KCNH6: variants seen among roughly 807,000 people sequenced by gnomAD.
The protein encoded by KCNH6 is potassium voltage-gated channel subfamily H member 6, also known as voltage-gated inwardly rectifying potassium channel KCNH6.
Under a neutral mutation model 83.4 loss-of-function variants are expected in KCNH6, and 81 were observed. The observed-to-expected ratio is 0.97, with a 90% CI of 0.81 to 1.17. KCNH6 has a LOEUF of 1.17. Ranked by LOEUF, KCNH6 falls within the 50% of genes most tolerant of loss-of-function variation. The probability of loss-of-function intolerance (pLI) is 0.00; values close to 1 mark genes in which losing one functional copy is unlikely to be tolerated. For missense variants in KCNH6, 1,203 were observed against 1,290.5 expected, an observed-to-expected ratio of 0.93 and a Z score of 1.04; for synonymous variants, 503 against 545.6, an observed-to-expected ratio of 0.92 and a Z score of 1.09.
intron 8 of KCNH6, among the ~76,000 whole-genome samples, chr17:63,541,573 G>A (rs773267679): frequency 8.7e-5 from 13 of 150,002 alleles, no homozygotes; most frequent in Middle Eastern, 3.4e-3. Context: ...GATTACAGGC[G>A]TGAGCCGCTG....
chr17:63,545,186 C>A lies in KCNH6; in HGVS notation c.2505C>A (p.Asp835Glu), dbSNP rs766749546. 1 of 1,613,868 alleles carries A rather than the reference C, an allele frequency of 6.2e-7. No individual in the cohort carries two copies. The highest frequency in any genetic ancestry group is 1.7e-5 in the Admixed American group (1 of 60,030). Residue 835 changes from aspartate (D) to glutamate (E), a missense_variant, in exon 12 of 13, where the codon GAC becomes GAA. Transcript: ENST00000314672. ...SYILEAPASN[D>E]LALVPIASET... ...TTCTGGAAGCCCCTGCCTCCAATGA[C>A]CTGGCCTTGGTTCCTATAGCCTCGG... is the stretch of plus-strand genomic sequence containing the variant.
rs377545632 is a variant in KCNH6, at chr17:63,533,933, G to A, written c.723G>A (p.Ala241=). Residue 241 remains alanine (A), a synonymous_variant, in exon 5 of 13, where the codon GCG becomes GCA. Coordinates refer to ENST00000314672, the MANE Select transcript of KCNH6 (RefSeq NM_001278919.2). The surrounding 1 kb of genome is among the most constrained non-coding windows in gnomAD (Gnocchi z 4.1). ...ADVLPEYKLQ[A]PRIHRWTILH... is the part of the protein sequence containing the mutation. ...TGCTGCCGGAGTACAAGCTGCAGGCGCCGCGCATCCACCGCTGGACCATCC... is the reference window on the plus strand; with the variant it reads ...TGCTGCCGGAGTACAAGCTGCAGGCACCGCGCATCCACCGCTGGACCATCC... The A allele has an allele frequency of 8.7e-6, 14 of 1,613,940 alleles. No individual in the cohort carries two copies. The highest frequency in any genetic ancestry group is 2.2e-5 in the East Asian group (1 of 44,852).
intron 10 of KCNH6, 152 bp downstream of exon 10, chr17:63,543,812 C>T: frequency 4.6e-6 from 3 of 646,106 alleles, no homozygotes; most frequent in Non-Finnish European, 8.4e-6. Flanking sequence ...GAGCCTTGGC[C>T]CTCCTTCCTC....
At position 63,534,364 on chromosome 17, in the gene KCNH6, C is replaced by T. The variant is rs2032344722; in HGVS notation, c.1101+53C>T. On this transcript the variant is annotated intron_variant, in intron 5 of 12. Transcript: ENST00000314672. This position sits in a 1 kb window ranked among gnomAD's most constrained non-coding sequence, Gnocchi z 5.0. ...CCATGGCTGTCCTCTGCACGCTGGC[C>T]TCAAGCCCTCCCTGCTGCACAGCAC... is the stretch of plus-strand genomic sequence containing the variant. 2.0e-6 allele frequency: 3 copies of T among 1,519,852 alleles called. No homozygotes were observed. The highest frequency in any genetic ancestry group is 2.7e-6 in the Non-Finnish European group (3 of 1,117,880). The allele number at this position is 1,519,852 out of a possible 1,614,324, so 94.1% of individuals were successfully genotyped here.
At position 63,535,914 on chromosome 17, in the gene KCNH6, C is replaced by T. The variant is rs371775964; in HGVS notation, c.1347C>T (p.Asn449=). 99 of 1,614,062 alleles carry T rather than the reference C, an allele frequency of 6.1e-5. No individual in the cohort carries two copies. Among genetic ancestry groups the T allele is most frequent in the East Asian group, 5.3e-4 (24 of 44,890 alleles). ...GTGTGCAGCTTGGCAAGCGCTACAA[C>T]GGCAGCGACCCAGCCTCGGGCCCCT... ...SLGVQLGKRY[N]GSDPASGPSV... is the part of the protein sequence containing the mutation. Residue 449 remains asparagine, a synonymous_variant, in exon 6 of 13, where the codon AAC becomes AAT. Coordinates refer to ENST00000314672, the MANE Select transcript of KCNH6 (RefSeq NM_001278919.2). The surrounding 1 kb of genome is among the most constrained non-coding windows in gnomAD (Gnocchi z 4.9).
rs1011365547 is a variant in KCNH6, at chr17:63,535,009, C to T, written c.1102-660C>T. 2.0e-5 allele frequency among the ~76,000 whole-genome samples: 3 copies of T among 152,166 alleles called. No individual in the cohort carries two copies. The highest frequency in any genetic ancestry group is 2.9e-5 in the Non-Finnish European group (2 of 68,030). ...ACTTGTGTCCCATCACCAAACTTGCCAGTCTCCCGCCCCTCCACACAGCTG... is the reference window on the plus strand; with the variant it reads ...ACTTGTGTCCCATCACCAAACTTGCTAGTCTCCCGCCCCTCCACACAGCTG... On this transcript the variant is annotated intron_variant, in intron 5 of 12. Coordinates refer to ENST00000314672, the MANE Select transcript of KCNH6 (RefSeq NM_001278919.2). This position sits in a 1 kb window ranked among gnomAD's most constrained non-coding sequence, Gnocchi z 4.9.
chr17:63,543,100 G>A (rs2032954959), intron 9 of KCNH6, among the ~76,000 whole-genome samples: 1 of 152,260 alleles, frequency 6.6e-6, no homozygotes, highest in African/African-American at 2.4e-5. Context: ...GGGAAGAAGG[G>A]AGTGTGCATC....
chr17:63,543,946 A>AG, intron 10 of KCNH6: 1 of 883,934 alleles, frequency 1.1e-6, no homozygotes, highest in Non-Finnish European at 1.7e-6. Flanking sequence ...CCAAGGCATC[A>AG]GGGGGGCCAC....
Position 63,534,010 on chromosome 17 carries a change from T to C in KCNH6, c.800T>C (p.Val267Ala). Residue 267 changes from valine (V) to alanine (A), a missense_variant, in exon 5 of 13, where the codon GTC (valine) becomes GCC (alanine). Physicochemically the swap from Val to Ala is moderately conservative, Grantham distance 64 (BLOSUM62 0). Coordinates refer to ENST00000314672, the MANE Select transcript of KCNH6 (RefSeq NM_001278919.2). This position sits in a 1 kb window ranked among gnomAD's most constrained non-coding sequence, Gnocchi z 5.0. ...TGGGACTGGCTCATCCTGCTGCTGG[T>C]CATCTACACGGCTGTCTTCACGCCC... ...AVWDWLILLL[V>A]IYTAVFTPYS... The C allele has an allele frequency of 6.2e-7, 1 of 1,613,930 alleles. No homozygotes were observed. The highest frequency in any genetic ancestry group is 1.1e-5 in the South Asian group (1 of 91,072).
intron 12 of KCNH6, 124 bp from the exon 13 acceptor site, chr17:63,545,484 AG>A: frequency 9.3e-7 from 1 of 1,077,732 alleles, no homozygotes; most frequent in South Asian, 1.6e-5. Flanking sequence ...AGCTGGGGCC[AG>A]GGCAGCAGGA....
At position 63,542,201 on chromosome 17, in the gene KCNH6, A is replaced by T. The variant is rs565866621; in HGVS notation, c.1955-40A>T. 2.1e-5 allele frequency: 33 copies of T among 1,601,974 alleles called. No individual in the cohort carries two copies. The South Asian group carries it at 3.7e-4, about 18-fold the overall frequency. ...AAAGGACCCTCATAAGGGAGCATGG[A>T]GTCAGACCCTGAAGAGACTCCCACC... On this transcript the variant is annotated intron_variant, in intron 8 of 12. Transcript: ENST00000314672.
rs769203970 is a variant in KCNH6, at chr17:63,543,972, T to A, written c.2234-277T>A. Reference sequence around the variant, plus strand: ...GGGGGGCCACTGGGCTGCAGCTCCCTGGGCAGTGAAACCAGTGCTAAAAGT... The same window carrying A: ...GGGGGGCCACTGGGCTGCAGCTCCCAGGGCAGTGAAACCAGTGCTAAAAGT... On this transcript the variant is annotated intron_variant, in intron 10 of 12. Coordinates refer to ENST00000314672, the MANE Select transcript of KCNH6 (RefSeq NM_001278919.2). 1.2e-5 allele frequency: 14 copies of A among 1,170,014 alleles called. No individual in the cohort carries two copies. The Admixed American group carries it at 3.6e-4, about 30-fold the overall frequency. 72.5% of individuals were successfully genotyped at this position (1,170,014 alleles called of 1,614,324 possible).
chr17:63,535,855 CTAGAA>C lies in KCNH6; in HGVS notation c.1289_1293del (p.Leu430ProfsTer133). On this transcript the variant is annotated frameshift_variant, in exon 6 of 13. Transcript: ENST00000314672. LOFTEE classifies it high-confidence loss of function. This position sits in a 1 kb window ranked among gnomAD's most constrained non-coding sequence, Gnocchi z 4.9. The stretch of plus-strand genomic sequence containing the variant: ...CATCGGCAATGTGGAGCGGCCCTAC[CTAGAA>C]CACAAGATCGGCTGGCTGGACAGCC... The C allele has an allele frequency of 1.9e-6, 3 of 1,614,214 alleles. No individual in the cohort carries two copies. Among genetic ancestry groups the C allele is most frequent in the Non-Finnish European group, 2.5e-6 (3 of 1,180,048 alleles).
chr17:63,542,505 T>C, intron 9 of KCNH6, 71 bp downstream of exon 9: 1 of 1,332,728 alleles, frequency 7.5e-7, no homozygotes, highest in African/African-American at 1.4e-5. Flanking sequence ...AGGGCACCCA[T>C]CTGACCAACA....
At chr17:63,542,529 C>T (rs2032926950) in intron 9 of KCNH6, 95 bp downstream of exon 9, 3 of 1,048,284 alleles carry the variant, frequency 2.9e-6, no homozygotes, top group Non-Finnish European at 4.3e-6. Flanking sequence ...TTCCTTTCAA[C>T]CCCATCCTGC....
chr17:63,528,829 T>TTTTGTTTGTTTGTTTGTTTG (rs61588369), intron 2 of KCNH6, among the ~76,000 whole-genome samples: 75 of 150,590 alleles, frequency 5.0e-4, no homozygotes, highest in African/African-American at 1.4e-3. Flanking sequence ...GTATGGGGTA[T>TTTTGTTTGTTTGTTTGTTTG]TTTGTTTGTT....
intron 10 of KCNH6, chr17:63,543,979 T>A: frequency 4.8e-6 from 6 of 1,245,752 alleles, no homozygotes; most frequent in Non-Finnish European, 6.7e-6. Flanking sequence ...CCCTGGGCAG[T>A]GAAACCAGTG....
At chr17:63,541,836 G>A (rs963372503) in intron 8 of KCNH6, among the ~76,000 whole-genome samples, 9 of 152,184 alleles carry the variant, frequency 5.9e-5, no homozygotes, top group African/African-American at 2.2e-4. Context: ...AGGTGCTCTG[G>A]CCCTGGGTTC....
At chr17:63,547,965 TAAA>T (rs58169236), downstream of KCNH6, among the ~76,000 whole-genome samples, 10 of 133,088 alleles carry the variant, frequency 7.5e-5, no homozygotes, top group Non-Finnish European at 9.7e-5. Context: ...CTCGGTCTCT[TAAA>T]AAAAAAAAAA....
Sources: allele counts gnomAD v4.1 joint callset (sites outside exome capture counted in the v4.1 genomes callset), GRCh38; gene constraint gnomAD v4.1.1; non-coding constraint Gnocchi (gnomAD v3.1); transcripts MANE v1.5; gene names NCBI Gene and HGNC (gene_info 2026-07-23, HGNC 2026-07-21).